MAVS: variants seen among roughly 807,000 people sequenced by gnomAD.
MAVS encodes the protein mitochondrial antiviral signaling protein, also known as mitochondrial antiviral-signaling protein.
MAVS carries 20 observed loss-of-function variants against 30.2 expected under a neutral mutation model. The ratio of observed to expected loss-of-function variants is 0.66; its 90% CI spans 0.47 to 0.96. MAVS has a LOEUF of 0.96. MAVS is among the 40% of genes least tolerant of loss of function. MAVS has a pLI of 0.00. For synonymous variants in MAVS, 278 were observed against 293.9 expected, an observed-to-expected ratio of 0.95 and a Z score of 0.55; for missense variants, 624 against 701.1, an observed-to-expected ratio of 0.89 and a Z score of 1.24.
chr20:3,849,216 T>TC, intron 1 of MAVS, among the ~76,000 whole-genome samples: 1 of 151,744 alleles, frequency 6.6e-6, no homozygotes, highest in East Asian at 1.9e-4. Flanking sequence ...GCTTTTTTTT[T>TC]TTTTTTTCCT....
At chr20:3,864,109 G>A (rs952109769) in intron 5 of MAVS, 147 bp from the exon 6 acceptor site, 1 of 886,022 alleles carries the variant, frequency 1.1e-6, no homozygotes, top group African/African-American at 1.7e-5. Context: ...AGTGACCAAA[G>A]GGACTGTGGC....
Position 3,860,096 on chromosome 20 carries a change from C to T in MAVS, c.293-1236C>T, listed in dbSNP as rs893101584. ...CCTCCCAAAGTGCTGGGATTACAGG[C>T]GTGAGCCACCAAGCCCAGCCCTGCT... On this transcript the variant is annotated intron_variant, in intron 3 of 6. Coordinates refer to ENST00000428216, the MANE Select transcript of MAVS (RefSeq NM_020746.5). 5.3e-5 allele frequency among the ~76,000 whole-genome samples: 8 copies of T among 152,262 alleles called. No individual in the cohort carries two copies. The South Asian group carries it at 8.3e-4, about 16-fold the overall frequency.
chr20:3,862,268 C>T lies in MAVS; in HGVS notation c.480C>T (p.Ala160=), dbSNP rs1216820821. The change falls in exon 5 of 7, where the codon GCC becomes GCT. Residue 160 remains alanine, a synonymous_variant. Coordinates refer to ENST00000428216, the MANE Select transcript of MAVS (RefSeq NM_020746.5). ...PESPGENSEQ[A]LQTLSPRAIP... ...CCTCATTGCAGAATTCAGAGCAAGC[C>T]CTGCAGACGCTCAGCCCCAGAGCCA... 4.3e-6 allele frequency: 7 copies of T among 1,613,540 alleles called. No individual in the cohort carries two copies. The highest frequency in any genetic ancestry group is 5.9e-6 in the Non-Finnish European group (7 of 1,179,860).
intron 1 of MAVS, among the ~76,000 whole-genome samples, chr20:3,852,007 TCC>T (rs763081981): frequency 1.8e-5 from 1 of 57,050 alleles, no homozygotes; most frequent in African/African-American, 5.6e-5. Context: ...TTTTTTTTTT[TCC>T]CCCGAGACGG....
rs1353402136 is a variant in MAVS at position 3,873,747 on chromosome 20, C to T, written c.*7600C>T. 1.2e-5 allele frequency: 2 copies of T among 171,232 alleles called. No homozygotes were observed. Among genetic ancestry groups the T allele is most frequent in the African/African-American group, 4.7e-5 (2 of 42,234 alleles). 10.6% of individuals were successfully genotyped at this position (171,232 alleles called of 1,614,324 possible). A position where few individuals can be genotyped will look rare whatever the true frequency, so the allele number is the denominator to read the frequency against. On this transcript the variant is annotated 3_prime_UTR_variant, in exon 7 of 7. Coordinates refer to ENST00000428216, the MANE Select transcript of MAVS (RefSeq NM_020746.5). ...GCACCTTGATCTTGGACTTCCCAGC[C>T]TCTAGAACTGTGAGAAATAATTTTT...
chr20:3,864,928 A>G (rs1197315690), intron 6 of MAVS, 140 bp downstream of exon 6: 2 of 1,044,344 alleles, frequency 1.9e-6, no homozygotes, highest in African/African-American at 3.2e-5. Flanking sequence ...TTGAGGGCAT[A>G]CAGACAGTTG....
intron 1 of MAVS, among the ~76,000 whole-genome samples, chr20:3,849,976 G>A (rs1191088595): frequency 6.6e-6 from 1 of 152,134 alleles, no homozygotes; most frequent in African/African-American, 2.4e-5. Flanking sequence ...TATATTTGAG[G>A]CACTTAAAAA....
In MAVS at chr20:3,850,938, C is replaced by A. The variant is rs187845405; in HGVS notation, c.-67-3620C>A. ...TTAGAGGCCGGCCACAGTGGCTCAG[C>A]ACTGTGCAGGCCAAGGCAAGAGGAT... On this transcript the variant is annotated intron_variant, in intron 1 of 6. Transcript: ENST00000428216. 2.7e-3 allele frequency among the ~76,000 whole-genome samples: 402 copies of A among 150,756 alleles called. 2 individuals are homozygous for A. The highest frequency in any genetic ancestry group is 3.6e-3 in the Non-Finnish European group (241 of 67,812).
chr20:3,855,833 C>G (rs573991285), intron 2 of MAVS, among the ~76,000 whole-genome samples: 3 of 152,092 alleles, frequency 2.0e-5, no homozygotes, highest in Non-Finnish European at 4.4e-5. Context: ...GGCTGCAGTG[C>G]AATGGCATGA....
intron 3 of MAVS, among the ~76,000 whole-genome samples, chr20:3,858,678 A>G (rs2089834898): frequency 6.6e-6 from 1 of 151,538 alleles, no homozygotes; most frequent in Admixed American, 6.6e-5. Context: ...AAAAAAAAAA[A>G]AAAGACATGG....
Position 3,872,021 on chromosome 20 carries a change from T to C in MAVS, c.*5874T>C, listed in dbSNP as rs2089959300. 1 of 152,230 alleles carries C rather than the reference T, an allele frequency of 6.6e-6. No homozygotes were observed. Among genetic ancestry groups the C allele is most frequent in the Admixed American group, 6.6e-5 (1 of 15,250 alleles). 9.4% of individuals were successfully genotyped at this position (152,230 alleles called of 1,614,324 possible). Reference sequence around the variant, plus strand: ...CCAATTGACAGCTGGTTTGCAAGATTAGGAGGGATGAAGGACCCAGGGGAC... The same window carrying C: ...CCAATTGACAGCTGGTTTGCAAGATCAGGAGGGATGAAGGACCCAGGGGAC... On this transcript the variant is annotated 3_prime_UTR_variant, in exon 7 of 7. Transcript: ENST00000428216.
rs1182752609 is a variant in MAVS at position 3,872,887 on chromosome 20, CAAAG to C, written c.*6742_*6745del. On this transcript the variant is annotated 3_prime_UTR_variant, in exon 7 of 7. Coordinates refer to ENST00000428216, the MANE Select transcript of MAVS (RefSeq NM_020746.5). ...GCCTCAGTGACACAGAATAATACGG[CAAAG>C]ACCCCACCCGATGAGCCCCCTCCCA... 3 of 152,268 alleles carry C rather than the reference CAAAG, an allele frequency of 2.0e-5. No individual in the cohort carries two copies. Among genetic ancestry groups the C allele is most frequent in the African/African-American group, 7.2e-5 (3 of 41,434 alleles). 9.4% of individuals were successfully genotyped at this position (152,268 alleles called of 1,614,324 possible).
rs2089917076 is a variant in MAVS, at chr20:3,867,315, T to C, written c.*1168T>C. On this transcript the variant is annotated 3_prime_UTR_variant, in exon 7 of 7. Coordinates refer to ENST00000428216, the MANE Select transcript of MAVS (RefSeq NM_020746.5). Reference sequence around the variant, plus strand: ...CCCAGTGTTGTGAAGATTAAAGGAGTTTATCGATGTAGGTCTTAGGATGAG... The same window carrying C: ...CCCAGTGTTGTGAAGATTAAAGGAGCTTATCGATGTAGGTCTTAGGATGAG... The C allele has an allele frequency of 3.0e-6, 1 of 331,314 alleles. No homozygotes were observed. The highest frequency in any genetic ancestry group is 4.3e-5 in the Admixed American group (1 of 23,398). The allele number at this position is 331,314 out of a possible 1,614,324, so 20.5% of individuals were successfully genotyped here. A position where few individuals can be genotyped will look rare whatever the true frequency, so the allele number is the denominator to read the frequency against.
Position 3,861,468 on chromosome 20 carries a change from T to C in MAVS, c.429T>C (p.Pro143=). Residue 143 remains proline, a synonymous_variant, in exon 4 of 7, where the codon CCT becomes CCC. Coordinates refer to ENST00000428216, the MANE Select transcript of MAVS (RefSeq NM_020746.5). ...AGAAGGAGCCAAGTTACCCCATGCCTGTCCAGGAGACCCAGGCGCCAGAGT... is the reference window on the plus strand; with the variant it reads ...AGAAGGAGCCAAGTTACCCCATGCCCGTCCAGGAGACCCAGGCGCCAGAGT... ...CREKEPSYPM[P]VQETQAPESP... 1.2e-6 allele frequency: 2 copies of C among 1,614,136 alleles called. No homozygotes were observed. The highest frequency in any genetic ancestry group is 1.7e-6 in the Non-Finnish European group (2 of 1,180,004).
chr20:3,856,463 T>C (rs1395715900), intron 2 of MAVS, among the ~76,000 whole-genome samples: 1 of 150,070 alleles, frequency 6.7e-6, no homozygotes, highest in East Asian at 2.0e-4. Context: ...GCAATTCTCC[T>C]GCTTCAGCCT....
intron 1 of MAVS, 122 bp from the exon 2 acceptor site, chr20:3,854,436 A>AAAAAAAAAAG (rs1233200012): frequency 7.8e-6 from 3 of 383,068 alleles, no homozygotes; most frequent in African/African-American, 4.4e-5. Context: ...AAAAAAAAAA[A>AAAAAAAAAAG]AAGAAGAAAT....
At chr20:3,862,140 C>T in intron 4 of MAVS, 114 bp from the exon 5 acceptor site, 1 of 1,242,212 alleles carries the variant, frequency 8.1e-7, no homozygotes. Context: ...TCCCCTGGCT[C>T]CTGTGCTCCA....
intron 2 of MAVS, 81 bp from the exon 3 acceptor site, chr20:3,857,554 C>CA: frequency 6.8e-7 from 1 of 1,479,036 alleles, no homozygotes; most frequent in Non-Finnish European, 9.0e-7. Flanking sequence ...GGCACCCCTC[C>CA]CCCCGCTGTG....
rs986254205 is a variant in MAVS at position 3,865,234 on chromosome 20, A to G, written c.1158+446A>G. The stretch of plus-strand genomic sequence containing the variant: ...GAACGCAGTCCCACCTGGAGCAGCC[A>G]CTCGGACCCAGCAGCCCCCCATTGT... On this transcript the variant is annotated intron_variant, in intron 6 of 6. Transcript: ENST00000428216. The surrounding 1 kb of genome is among the most constrained non-coding windows in gnomAD (Gnocchi z 4.7). Among the ~76,000 whole-genome samples the G allele has an allele frequency of 6.6e-6, 1 of 152,028 alleles. No homozygotes were observed. Among genetic ancestry groups the G allele is most frequent in the African/African-American group, 2.4e-5 (1 of 41,376 alleles).
Sources: gnomAD v4.1 joint callset for allele counts (sites outside exome capture counted in the v4.1 genomes callset) on GRCh38, gnomAD v4.1.1 for gene constraint, Gnocchi (gnomAD v3.1) non-coding constraint, MANE v1.5 for transcripts, NCBI Gene and HGNC (gene_info 2026-07-23, HGNC 2026-07-21) for gene names.